The following ARHGAP8 variants were observed in gnomAD, a reference collection of about 807,000 sequenced individuals.
The protein encoded by ARHGAP8 is rho GTPase-activating protein 8.
Under a neutral mutation model 46.1 loss-of-function variants are expected in ARHGAP8, and 62 were observed. The ratio of observed to expected loss-of-function variants is 1.34; its 90% CI spans 1.10 to 1.66. The LOEUF (loss-of-function observed/expected upper bound fraction) is 1.66, where lower values mean the gene tolerates loss of function less well. Ranked by LOEUF, ARHGAP8 falls within the 40% of genes most tolerant of loss-of-function variation. ARHGAP8 has a pLI of 0.00. For synonymous variants in ARHGAP8, 375 were observed against 243.1 expected (o/e 1.54, Z -5.05); for missense variants, 923 against 568.4 (o/e 1.62, Z -6.34).
chr22:44,860,191 T>G (rs1434282249), intron 11 of ARHGAP8, among the ~76,000 whole-genome samples: 8 of 152,272 alleles, frequency 5.3e-5, no homozygotes, highest in South Asian at 2.1e-4. Flanking sequence ...CAGAGCCCAG[T>G]GGACTGAGCT....
rs1304741597 is a variant in ARHGAP8 at position 44,859,897 on chromosome 22, G to GC, written c.981+64dup. On this transcript the variant is annotated intron_variant, in intron 11 of 11. Coordinates refer to ENST00000356099, the MANE Select transcript of ARHGAP8 (RefSeq NM_181335.3). ...TGGCCTTCCCTCCCATGCTGGGCCC[G>GC]CATGGACCAGTCCCCTCCTTGCCCT... 3 of 1,563,798 alleles carry GC rather than the reference G, an allele frequency of 1.9e-6. No individual in the cohort carries two copies. In the African/African-American group the frequency reaches 4.1e-5, roughly 21 times the overall value.
Position 44,829,184 on chromosome 22 carries a change from G to A in ARHGAP8, c.596+3591G>A, listed in dbSNP as rs187694025. 6.3e-3 allele frequency among the ~76,000 whole-genome samples: 932 copies of A among 148,644 alleles called. 13 individuals carry two copies. Among genetic ancestry groups the A allele is most frequent in the African/African-American group, 0.022 (892 of 40,004 alleles). On this transcript the variant is annotated intron_variant, in intron 7 of 11. Transcript: ENST00000356099. ...CACACACCTGTAATCCCAGCTACTC[G>A]GGAGCCTGAGGCAGGAGAATTGCTT... is the stretch of plus-strand genomic sequence containing the variant.
chr22:44,755,756 T>C (rs1400818075), intron 1 of ARHGAP8, among the ~76,000 whole-genome samples: 2 of 152,094 alleles, frequency 1.3e-5, no homozygotes, highest in Admixed American at 6.6e-5. Context: ...TCATAAACCA[T>C]CGGTTTGTCT....
intron 1 of ARHGAP8, among the ~76,000 whole-genome samples, chr22:44,760,498 C>A (rs187950797): frequency 4.7e-4 from 71 of 152,274 alleles, no homozygotes; most frequent in South Asian, 8.3e-4. Flanking sequence ...CTCCCAAGAG[C>A]CCTTTATCAG....
At chr22:44,793,609 G>A (rs371473666) in intron 2 of ARHGAP8, among the ~76,000 whole-genome samples, 33 of 152,150 alleles carry the variant, frequency 2.2e-4, no homozygotes, top group African/African-American at 6.3e-4. Context: ...ATCGCCGTCC[G>A]CTGGGAGAGA....
intron 4 of ARHGAP8, chr22:44,809,890 C>G (rs1490358814): frequency 6.6e-6 from 1 of 152,242 alleles, no homozygotes; most frequent in African/African-American, 2.4e-5. Flanking sequence ...CTCCAGTTGC[C>G]TTTTGGGTCC....
intron 1 of ARHGAP8, among the ~76,000 whole-genome samples, chr22:44,770,094 A>G (rs1477803893): frequency 1.3e-5 from 2 of 152,034 alleles, no homozygotes; most frequent in African/African-American, 4.8e-5. Flanking sequence ...AAACACAAAA[A>G]TTAGCCAGGC....
chr22:44,780,281 C>G (rs1306158634), intron 1 of ARHGAP8, among the ~76,000 whole-genome samples: 1 of 150,888 alleles, frequency 6.6e-6, no homozygotes, highest in Non-Finnish European at 1.5e-5. Context: ...CTCTTGAGCC[C>G]AGGAGGCCAA....
At chr22:44,862,123 G>C in intron 11 of ARHGAP8, 152 bp from the exon 12 acceptor site, 1 of 877,966 alleles carries the variant, frequency 1.1e-6, no homozygotes, top group African/African-American at 1.7e-5. Context: ...GAGTGGGCAG[G>C]TGGCTGCACA....
intron 1 of ARHGAP8, among the ~76,000 whole-genome samples, chr22:44,761,933 C>T (rs1006606890): frequency 6.6e-6 from 1 of 152,232 alleles, no homozygotes; most frequent in South Asian, 2.1e-4. Flanking sequence ...TCTCATGAGA[C>T]TTATTCACTA....
chr22:44,806,725 C>T (rs1029607640), intron 3 of ARHGAP8, among the ~76,000 whole-genome samples: 6 of 151,886 alleles, frequency 4.0e-5, no homozygotes, highest in African/African-American at 1.5e-4. Context: ...GAGGCCGAGG[C>T]GGGTGGATCA....
At chr22:44,770,175 C>T (rs1343943912) in intron 1 of ARHGAP8, among the ~76,000 whole-genome samples, 2 of 151,942 alleles carry the variant, frequency 1.3e-5, no homozygotes, top group Non-Finnish European at 2.9e-5. Context: ...ACCCAGGAGG[C>T]GGAGGTTACC....
rs1296852219 is a variant in ARHGAP8, at chr22:44,808,338, G to C, written c.199G>C (p.Glu67Gln). 2 of 1,614,226 alleles carry C rather than the reference G, an allele frequency of 1.2e-6. No individual in the cohort carries two copies. The highest frequency in any genetic ancestry group is 2.2e-5 in the South Asian group (2 of 91,078). Residue 67 changes from glutamate (E) to glutamine (Q), a missense_variant, in exon 4 of 12, where the codon GAG (glutamate) becomes CAG (glutamine). Glu to Gln is a conservative substitution (Grantham distance 29). Transcript: ENST00000356099. Reference sequence around the variant, plus strand: ...GAAGTACACACTGGACCAATACGTTGAGAACGATTATACCATCGTCTATTT... The same window carrying C: ...GAAGTACACACTGGACCAATACGTTCAGAACGATTATACCATCGTCTATTT... ...YLKYTLDQYVENDYTIVYFHY... is the reference protein window; with the variant it reads ...YLKYTLDQYVQNDYTIVYFHY...
chr22:44,778,162 C>A (rs1411437081), intron 1 of ARHGAP8, among the ~76,000 whole-genome samples: 1 of 152,034 alleles, frequency 6.6e-6, no homozygotes, highest in Non-Finnish European at 1.5e-5. Context: ...AATGTGTAGT[C>A]TTTTATCCCT....
chr22:44,801,352 G>A (rs542299199), intron 2 of ARHGAP8, among the ~76,000 whole-genome samples: 1,153 of 88,870 alleles, frequency 0.013, 38 homozygotes, highest in Middle Eastern at 0.02. Flanking sequence ...ACCTCTCCCC[G>A]CAGCTGTCTA....
rs150754629 is a variant in ARHGAP8, at chr22:44,862,380, C to T, written c.1087C>T (p.Leu363Phe). The change falls in exon 12 of 12, where the codon CTT becomes TTT. Residue 363 changes from leucine (L) to phenylalanine (F), a missense_variant. Leu to Phe is a conservative substitution (Grantham distance 22). Transcript: ENST00000356099. ...CCAGGGGGTCTCCTCCCTGAGTGCC[C>T]TTGTGCCCCTGAACATGTTCACTGA... ...PSQGVSSLSA[L>F]VPLNMFTELL... is the part of the protein sequence containing the mutation. 2.5e-6 allele frequency: 4 copies of T among 1,614,044 alleles called. No homozygotes were observed. The highest frequency in any genetic ancestry group is 2.5e-6 in the Non-Finnish European group (3 of 1,180,018).
chr22:44,828,845 G>A (rs1930724440), intron 7 of ARHGAP8, among the ~76,000 whole-genome samples: 1 of 152,088 alleles, frequency 6.6e-6, no homozygotes, highest in African/African-American at 2.4e-5. Context: ...GGCTGATACT[G>A]CTTCCATGTG....
chr22:44,840,807 G>A (rs2285120), intron 7 of ARHGAP8, among the ~76,000 whole-genome samples: 68,718 of 152,078 alleles, frequency 0.45, 16,248 homozygotes, highest in East Asian at 0.75. Context: ...GGTGCCTCCC[G>A]GCCGCGTCCT....
At chr22:44,846,696 C>T (rs868078960) in intron 8 of ARHGAP8, among the ~76,000 whole-genome samples, 4 of 152,148 alleles carry the variant, frequency 2.6e-5, no homozygotes, top group Non-Finnish European at 4.4e-5. Context: ...GCCTTCTTCA[C>T]GCCTCCCCAT....
Sources: allele counts gnomAD v4.1 joint callset (sites outside exome capture counted in the v4.1 genomes callset), GRCh38; gene constraint gnomAD v4.1.1; transcripts MANE v1.5; gene names NCBI Gene and HGNC (gene_info 2026-07-23, HGNC 2026-07-21).